MAP6: variants seen among roughly 807,000 people sequenced by gnomAD.
MAP6 encodes microtubule-associated protein 6.
MAP6 carries 26 observed loss-of-function variants against 42.4 expected under a neutral mutation model. The observed-to-expected ratio is 0.61, with a 90% CI of 0.45 to 0.85. The LOEUF is 0.85. Among genes scored for constraint, MAP6 ranks in the 40% least tolerant of loss-of-function variants. The probability of loss-of-function intolerance (pLI) is 0.00; values close to 1 mark genes in which losing one functional copy is unlikely to be tolerated. For synonymous variants in MAP6, 418 were observed against 443.8 expected (o/e 0.94, Z 0.73); for missense variants, 966 against 1,099.0 (o/e 0.88, Z 1.71).
rs1471185495 is a variant in MAP6 at position 75,608,994 on chromosome 11, C to T, written c.906-672G>A. 7.2e-5 allele frequency among the ~76,000 whole-genome samples: 11 copies of T among 152,194 alleles called. No homozygotes were observed. The South Asian group carries it at 1.0e-3, about 14-fold the overall frequency. Reference sequence around the variant, plus strand: ...GAACATAATTTGGAGATCACAACTACGACTTGTGTTGGGCTGTGTGTGTGT... The same window carrying T: ...GAACATAATTTGGAGATCACAACTATGACTTGTGTTGGGCTGTGTGTGTGT... On this transcript the variant is annotated intron_variant, in intron 1 of 3. Transcript: ENST00000304771.
chr11:75,594,594 T>C (rs893116194), intron 3 of MAP6: 1 of 152,232 alleles, frequency 6.6e-6, no homozygotes, highest in Non-Finnish European at 1.5e-5. Flanking sequence ...TGGGACTGTG[T>C]TTTCTTCATC....
At chr11:75,604,560 T>C (rs1484265323) in intron 3 of MAP6, 2 of 985,242 alleles carry the variant, frequency 2.0e-6, no homozygotes, top group Non-Finnish European at 2.4e-6. Context: ...ATATTATTTT[T>C]CTGGTAACTA....
chr11:75,604,749 C>A (rs1942726965), intron 3 of MAP6: 3 of 985,292 alleles, frequency 3.0e-6, no homozygotes. Context: ...GAGGTCAAAG[C>A]TGCTTGCTAA....
At position 75,667,899 on chromosome 11, in the gene MAP6, C is replaced by T. The variant is rs1590817833; in HGVS notation, c.471G>A (p.Gln157=). ...DAPFERETQY[Q]KDFRAWPLPR... ...GCAGCGGCCAGGCGCGGAAGTCCTT[C>T]TGGTACTGGGTCTCGCGCTCGAAGG... The change falls in exon 1 of 4, where the codon CAG becomes CAA. Residue 157 remains glutamine, a synonymous_variant. Coordinates refer to ENST00000304771, the MANE Select transcript of MAP6 (RefSeq NM_033063.2). This position sits in a 1 kb window ranked among gnomAD's most constrained non-coding sequence, Gnocchi z 5.6. The T allele has an allele frequency of 7.0e-6, 10 of 1,437,382 alleles. No homozygotes were observed. Among genetic ancestry groups the T allele is most frequent in the African/African-American group, 4.4e-5 (3 of 68,806 alleles). The allele number at this position is 1,437,382 out of a possible 1,614,324, so 89.0% of individuals were successfully genotyped here. A position where few individuals can be genotyped will look rare whatever the true frequency, so the allele number is the denominator to read the frequency against.
rs1943966583 is a variant in MAP6 at position 75,667,402 on chromosome 11, C to A, written c.905+63G>T. 1 of 1,364,264 alleles carries A rather than the reference C, an allele frequency of 7.3e-7. No homozygotes were observed. Among genetic ancestry groups the A allele is most frequent in the Non-Finnish European group, 9.5e-7 (1 of 1,054,826 alleles). 84.5% of individuals were successfully genotyped at this position (1,364,264 alleles called of 1,614,324 possible). A position where few individuals can be genotyped will look rare whatever the true frequency, so the allele number is the denominator to read the frequency against. ...GGCCTGCGCTGGGGATCCTGGGCCC[C>A]GGGCAGCCCGCGGGGAGGGTCTGCG... On this transcript the variant is annotated intron_variant, in intron 1 of 3. Transcript: ENST00000304771. This position sits in a 1 kb window ranked among gnomAD's most constrained non-coding sequence, Gnocchi z 5.6.
chr11:75,616,845 G>A lies in MAP6; in HGVS notation c.906-8523C>T, dbSNP rs61543559. ...TTATTTAGGATCATTTTTCTCCTCC[G>A]TTAATATCCAGTAAGTACATGTATA... On this transcript the variant is annotated intron_variant, in intron 1 of 3. Transcript: ENST00000304771. 7.7e-4 allele frequency among the ~76,000 whole-genome samples: 118 copies of A among 152,282 alleles called. 2 individuals carry two copies. The East Asian group carries it at 0.022, about 28-fold the overall frequency.
intron 1 of MAP6, among the ~76,000 whole-genome samples, chr11:75,628,872 A>G (rs984556210): frequency 2.6e-5 from 4 of 152,214 alleles, no homozygotes; most frequent in Non-Finnish European, 5.9e-5. Flanking sequence ...ATTTACAATG[A>G]ATGAAAACTT....
In MAP6 at chr11:75,624,524, C is replaced by T. The variant is rs551071689; in HGVS notation, c.906-16202G>A. Among the ~76,000 whole-genome samples, 5 of 152,266 alleles carry T rather than the reference C, an allele frequency of 3.3e-5. No individual in the cohort carries two copies. The South Asian group carries it at 1.0e-3, about 32-fold the overall frequency. On this transcript the variant is annotated intron_variant, in intron 1 of 3. Coordinates refer to ENST00000304771, the MANE Select transcript of MAP6 (RefSeq NM_033063.2). ...TGGCCAGTCAGGGCCTGACTGGAAC[C>T]CAGGCCCATCCAACTCCGTATCTCA...
intron 3 of MAP6, among the ~76,000 whole-genome samples, chr11:75,601,076 G>A (rs1445239842): frequency 1.3e-5 from 2 of 152,196 alleles, no homozygotes; most frequent in African/African-American, 4.8e-5. Context: ...AACCACAGGC[G>A]GAAGAGCCCC....
intron 3 of MAP6, among the ~76,000 whole-genome samples, chr11:75,590,881 C>T (rs756661388): frequency 1.3e-5 from 2 of 151,640 alleles, no homozygotes; most frequent in African/African-American, 4.8e-5. Flanking sequence ...GTGGGAGAAT[C>T]GTTTTAGCCC....
At chr11:75,631,193 T>C (rs192638813) in intron 1 of MAP6, among the ~76,000 whole-genome samples, 63 of 152,350 alleles carry the variant, frequency 4.1e-4, no homozygotes, top group Middle Eastern at 3.4e-3. Context: ...TTGATAGGAC[T>C]GCAGGCATAT....
At chr11:75,589,285 C>T (rs750522936) in intron 3 of MAP6, among the ~76,000 whole-genome samples, 3 of 152,190 alleles carry the variant, frequency 2.0e-5, no homozygotes, top group Non-Finnish European at 2.9e-5. Flanking sequence ...CTGTGGAGAG[C>T]GTGTGACAAC....
intron 1 of MAP6, among the ~76,000 whole-genome samples, chr11:75,617,758 G>A (rs895833195): frequency 2.6e-5 from 4 of 152,028 alleles, no homozygotes; most frequent in African/African-American, 7.2e-5. Context: ...GAAGTGATAG[G>A]TTGTAAGAAA....
rs746415141 is a variant in MAP6, at chr11:75,605,793, T to G, written c.1316+15A>C. On this transcript the variant is annotated intron_variant, in intron 3 of 3. Coordinates refer to ENST00000304771, the MANE Select transcript of MAP6 (RefSeq NM_033063.2). ...GAGAGAGAGAAGAGTAAAAGGAAAGTGCAGGGAAATTTACTCTTTCGCCTC... is the reference window on the plus strand; with the variant it reads ...GAGAGAGAGAAGAGTAAAAGGAAAGGGCAGGGAAATTTACTCTTTCGCCTC... The G allele has an allele frequency of 3.7e-6, 6 of 1,613,434 alleles. No individual in the cohort carries two copies. The Admixed American group carries it at 1.0e-4, about 27-fold the overall frequency.
chr11:75,632,532 C>A (rs1385937419), intron 1 of MAP6, among the ~76,000 whole-genome samples: 2 of 152,144 alleles, frequency 1.3e-5, no homozygotes, highest in Admixed American at 1.3e-4. Context: ...AGAATAAATA[C>A]CCTTCAGTTA....
At position 75,609,821 on chromosome 11, in the gene MAP6, C is replaced by T. The variant is rs376761657; in HGVS notation, c.906-1499G>A. ...TGCAGCCTGGGTCCCCACCTAGATG[C>T]CCCATTGTTATGGTTCGAATGTTTG... On this transcript the variant is annotated intron_variant, in intron 1 of 3. Transcript: ENST00000304771. Among the ~76,000 whole-genome samples the T allele has an allele frequency of 1.1e-4, 17 of 152,226 alleles. No individual in the cohort carries two copies. In the East Asian group the frequency reaches 3.3e-3, roughly 29 times the overall value.
chr11:75,619,151 T>C (rs1293910179), intron 1 of MAP6, among the ~76,000 whole-genome samples: 3 of 152,138 alleles, frequency 2.0e-5, no homozygotes, highest in African/African-American at 7.2e-5. Context: ...GAGTGAGGCA[T>C]GCATGTTAGT....
chr11:75,591,081 A>G, intron 3 of MAP6, among the ~76,000 whole-genome samples: 1 of 152,226 alleles, frequency 6.6e-6, no homozygotes, highest in East Asian at 1.9e-4. Context: ...TTAGCTTTGT[A>G]ATCCCAATAT....
chr11:75,655,646 C>T (rs958715235), intron 1 of MAP6, among the ~76,000 whole-genome samples: 8 of 152,224 alleles, frequency 5.3e-5, no homozygotes, highest in African/African-American at 1.9e-4. Context: ...ACCCCTCCTC[C>T]ACTGTAGAAA....
Sources: gnomAD v4.1 joint callset for allele counts (sites outside exome capture counted in the v4.1 genomes callset) on GRCh38, gnomAD v4.1.1 for gene constraint, Gnocchi (gnomAD v3.1) non-coding constraint, MANE v1.5 for transcripts, NCBI Gene and HGNC (gene_info 2026-07-23, HGNC 2026-07-21) for gene names.